The following SCFD2 variants were observed in gnomAD, a reference collection of about 807,000 sequenced individuals.
SCFD2 encodes sec1 family domain-containing protein 2.
SCFD2 carries 54 observed loss-of-function variants against 58.9 expected under a neutral mutation model. The observed-to-expected ratio is 0.92, with a 90% confidence interval of 0.74 to 1.15. SCFD2 has a LOEUF of 1.15. SCFD2 is among the 50% of genes most tolerant of loss of function. The pLI is 0.00. For synonymous variants in SCFD2, 321 were observed against 335.9 expected, an observed-to-expected ratio of 0.96 and a Z score of 0.49; for missense variants, 805 against 836.6, an observed-to-expected ratio of 0.96 and a Z score of 0.47.
chr4:53,182,400 G>C (rs1053571733), intron 4 of SCFD2, among the ~76,000 whole-genome samples: 1 of 152,138 alleles, frequency 6.6e-6, no homozygotes, highest in Non-Finnish European at 1.5e-5. Context: ...CAAGCAATGG[G>C]GAAAGGATTC....
chr4:52,899,436 T>C (rs2109462248), intron 7 of SCFD2, among the ~76,000 whole-genome samples: 1 of 152,350 alleles, frequency 6.6e-6, no homozygotes, highest in East Asian at 1.9e-4. Context: ...TATGAAATTC[T>C]GGGTTGAAAA....
chr4:53,189,465 T>C (rs555162180), intron 4 of SCFD2, among the ~76,000 whole-genome samples: 1 of 152,330 alleles, frequency 6.6e-6, no homozygotes, highest in East Asian at 1.9e-4. Flanking sequence ...TATCATGGAC[T>C]GGGTAGCTTA....
intron 3 of SCFD2, among the ~76,000 whole-genome samples, chr4:53,311,004 T>A (rs1560441458): frequency 6.6e-6 from 1 of 152,238 alleles, no homozygotes. Flanking sequence ...ATATATGTTA[T>A]AGTTTTAAAT....
chr4:53,204,773 A>G (rs1728357582), intron 4 of SCFD2, among the ~76,000 whole-genome samples: 1 of 149,658 alleles, frequency 6.7e-6, no homozygotes, highest in African/African-American at 2.5e-5. Context: ...AATACTGGTA[A>G]GAAGATTAGA....
At chr4:52,938,553 G>A (rs1720202945) in intron 5 of SCFD2, among the ~76,000 whole-genome samples, 2 of 152,048 alleles carry the variant, frequency 1.3e-5, no homozygotes, top group African/African-American at 4.8e-5. Context: ...ATTGATACTA[G>A]GGCTAATCTG....
At chr4:53,210,705 C>A (rs560696613) in intron 4 of SCFD2, among the ~76,000 whole-genome samples, 2 of 151,982 alleles carry the variant, frequency 1.3e-5, no homozygotes, top group African/African-American at 4.8e-5. Context: ...GGTATTATGA[C>A]AGATATTGAT....
intron 7 of SCFD2, among the ~76,000 whole-genome samples, chr4:52,905,658 T>C (rs1719330142): frequency 3.3e-5 from 5 of 151,974 alleles, no homozygotes. Flanking sequence ...ACACTGGGGG[T>C]TTGAAATGGA....
chr4:53,060,612 G>A (rs1723482435), intron 5 of SCFD2, among the ~76,000 whole-genome samples: 1 of 151,956 alleles, frequency 6.6e-6, no homozygotes, highest in South Asian at 2.1e-4. Context: ...TCAACATACT[G>A]AATGCAAAAG....
intron 3 of SCFD2, among the ~76,000 whole-genome samples, chr4:53,282,444 A>G (rs550882936): frequency 8.5e-5 from 13 of 152,190 alleles, no homozygotes; most frequent in Non-Finnish European, 1.9e-4. Context: ...TTTCATAATG[A>G]TATCTTTAAT....
At chr4:52,882,554 G>A (rs779888195) in intron 8 of SCFD2, among the ~76,000 whole-genome samples, 1 of 152,122 alleles carries the variant, frequency 6.6e-6, no homozygotes, top group Non-Finnish European at 1.5e-5. Context: ...AATCTGGGTG[G>A]GCATAATCTA....
intron 5 of SCFD2, among the ~76,000 whole-genome samples, chr4:53,124,008 A>G (rs1204401122): frequency 6.6e-6 from 1 of 152,210 alleles, no homozygotes; most frequent in Non-Finnish European, 1.5e-5. Flanking sequence ...AGGAAGCAAG[A>G]GTCCAAAGGC....
chr4:53,276,774 G>GAA (rs1731340848), intron 3 of SCFD2, among the ~76,000 whole-genome samples: 1 of 152,118 alleles, frequency 6.6e-6, no homozygotes, highest in Non-Finnish European at 1.5e-5. Flanking sequence ...TCCAAAGTGG[G>GAA]CTGTACCACC....
chr4:53,205,676 G>A (rs777319966), intron 4 of SCFD2, among the ~76,000 whole-genome samples: 16 of 151,942 alleles, frequency 1.1e-4, no homozygotes, highest in Non-Finnish European at 1.9e-4. Context: ...TGGCTAACAC[G>A]GTGAAACCCC....
At chr4:52,933,774 T>A (rs564125087) in intron 5 of SCFD2, among the ~76,000 whole-genome samples, 2 of 152,328 alleles carry the variant, frequency 1.3e-5, no homozygotes, top group South Asian at 4.1e-4. Flanking sequence ...TTGACTTGAA[T>A]GTGTCCCCCA....
Position 52,885,857 on chromosome 4 carries a change from G to A in SCFD2, c.1852C>T (p.Pro618Ser). Residue 618 changes from proline (P) to serine (S), a missense_variant, in exon 8 of 9, where the codon CCT (proline) becomes TCT (serine). Physicochemically the swap from Pro to Ser is moderately conservative, Grantham distance 74 (BLOSUM62 -1). Around this residue, in one of 3 missense-constraint regions of SCFD2, gnomAD observed 633 missense variants for 646.8 expected, o/e 0.98. Transcript: ENST00000401642. ...GFSMFMKVSRPHPSDYPLLIL... is the reference protein window; with the variant it reads ...GFSMFMKVSRSHPSDYPLLIL... ...AGGAGGGGGTAGTCACTAGGATGAG[G>A]CCGGCTCACCTGCAAAACAAAACAC... 6.2e-7 allele frequency: 1 copy of A among 1,614,068 alleles called. No homozygotes were observed. Among genetic ancestry groups the A allele is most frequent in the Non-Finnish European group, 8.5e-7 (1 of 1,179,942 alleles).
intron 7 of SCFD2, among the ~76,000 whole-genome samples, chr4:52,901,035 G>A (rs1371424782): frequency 6.6e-6 from 1 of 152,226 alleles, no homozygotes; most frequent in African/African-American, 2.4e-5. Context: ...TCCAGGTGCT[G>A]TCTGTCACCC....
At chr4:53,298,469 C>A (rs1337617446) in intron 3 of SCFD2, among the ~76,000 whole-genome samples, 1 of 152,202 alleles carries the variant, frequency 6.6e-6, no homozygotes, top group Non-Finnish European at 1.5e-5. Context: ...GGGTGGAGCC[C>A]AACAAAGCTC....
intron 2 of SCFD2, among the ~76,000 whole-genome samples, chr4:53,321,727 C>A (rs557304263): frequency 6.6e-6 from 1 of 152,264 alleles, no homozygotes; most frequent in Middle Eastern, 3.4e-3. Flanking sequence ...AGTCATCTTT[C>A]CTCTTGACTA....
intron 5 of SCFD2, among the ~76,000 whole-genome samples, chr4:53,033,610 G>T (rs527331998): frequency 1.3e-5 from 2 of 152,080 alleles, no homozygotes; most frequent in Non-Finnish European, 2.9e-5. Context: ...GAATCAAATA[G>T]ATGCAATAAA....
Sources: allele counts gnomAD v4.1 joint callset (sites outside exome capture counted in the v4.1 genomes callset), GRCh38; gene constraint gnomAD v4.1.1; regional missense constraint gnomAD v4.1.1; transcripts MANE v1.5; gene names NCBI Gene and HGNC (gene_info 2026-07-23, HGNC 2026-07-21).